The following DMXL1 variants were observed in gnomAD, a reference collection of about 807,000 sequenced individuals.
DMXL1 encodes the protein dmX-like protein 1.
In DMXL1, 99 loss-of-function variants were observed where a neutral mutation model predicts 319.2. The observed-to-expected ratio is 0.31, with a 90% CI of 0.26 to 0.37. The LOEUF (loss-of-function observed/expected upper bound fraction) is 0.37. Ranked by LOEUF, DMXL1 falls within the 10% of genes least tolerant of loss-of-function variation. The pLI, the probability that DMXL1 is intolerant of heterozygous loss-of-function variation, is 1.00. For missense variants in DMXL1, 3,745 were observed against 3,595.6 expected (o/e 1.04, Z -1.06); for synonymous variants, 1,385 against 1,235.2 (o/e 1.12, Z -2.54).
At chr5:119,188,242 A>G (rs1414792044) in intron 28 of DMXL1, among the ~76,000 whole-genome samples, 1 of 152,082 alleles carries the variant, frequency 6.6e-6, no homozygotes, top group Non-Finnish European at 1.5e-5. Context: ...GAGATTGTCT[A>G]TACTTCTTGG....
intron 28 of DMXL1, among the ~76,000 whole-genome samples, chr5:119,189,413 G>A (rs958783173): frequency 2.6e-5 from 4 of 152,152 alleles, no homozygotes; most frequent in Admixed American, 2.0e-4. Flanking sequence ...CGTGTTCCTA[G>A]TTAAATTGTG....
chr5:119,081,645 C>T (rs1243735166), intron 1 of DMXL1: 1 of 985,148 alleles, frequency 1.0e-6, no homozygotes, highest in Non-Finnish European at 1.2e-6. Flanking sequence ...AGATATAGAG[C>T]CGCAGAAACA....
intron 4 of DMXL1, among the ~76,000 whole-genome samples, chr5:119,108,130 A>G (rs1758758516): frequency 6.6e-6 from 1 of 152,170 alleles, no homozygotes; most frequent in African/African-American, 2.4e-5. Context: ...TGGGAGGCTG[A>G]GTTGGGAGGA....
chr5:119,183,360 G>C (rs1423133350), intron 28 of DMXL1, among the ~76,000 whole-genome samples: 1 of 152,142 alleles, frequency 6.6e-6, no homozygotes, highest in African/African-American at 2.4e-5. Flanking sequence ...AAACAAAATA[G>C]GTGATTTAAA....
At chr5:119,227,239 T>C (rs1581436782) in intron 38 of DMXL1, among the ~76,000 whole-genome samples, 1 of 148,546 alleles carries the variant, frequency 6.7e-6, no homozygotes, top group East Asian at 1.9e-4. Flanking sequence ...GTTTAATGTG[T>C]TTTCCCTGTT....
intron 15 of DMXL1, among the ~76,000 whole-genome samples, 184 bp downstream of exon 15, chr5:119,144,822 C>G (rs540730820): frequency 6.6e-6 from 1 of 151,622 alleles, no homozygotes; most frequent in Non-Finnish European, 1.5e-5. Flanking sequence ...TAAATACGAA[C>G]AAAATTAAAG....
At chr5:119,123,385 G>GGGAGAGGAGGGAGAGGGA (rs1383156268) in intron 9 of DMXL1, among the ~76,000 whole-genome samples, 1 of 34,656 alleles carries the variant, frequency 2.9e-5, no homozygotes, top group Admixed American at 3.3e-4. Flanking sequence ...GAGAGGGAGA[G>GGGAGAGGAGGGAGAGGGA]GAGGGAGAGG....
At chr5:119,091,381 T>A (rs1346777781) in intron 1 of DMXL1, among the ~76,000 whole-genome samples, 1 of 152,038 alleles carries the variant, frequency 6.6e-6, no homozygotes, top group Non-Finnish European at 1.5e-5. Context: ...AATGTTTTTA[T>A]TTTTGTTTTT....
In DMXL1 at chr5:119,244,386, C is replaced by T; in HGVS notation, c.8732C>T (p.Thr2911Ile). The T allele has an allele frequency of 6.2e-7, 1 of 1,613,806 alleles. No individual in the cohort carries two copies. The change falls in exon 43 of 44, where the codon ACA (threonine) becomes ATA (isoleucine). Residue 2911 changes from threonine (T) to isoleucine (I), a missense_variant. By Grantham distance (89) the Thr-to-Ile change is moderately conservative. Around this residue, in one of 4 missense-constraint regions of DMXL1, gnomAD observed 262 missense variants for 320.5 expected, o/e 0.82. Coordinates refer to ENST00000539542, the MANE Select transcript of DMXL1 (RefSeq NM_001290321.3). ...TTTACCTGCCATGACAGTGGAGCCACAGTTTTAGCATATGCTCCAAAACAT... is the reference window on the plus strand; with the variant it reads ...TTTACCTGCCATGACAGTGGAGCCATAGTTTTAGCATATGCTCCAAAACAT... ...HAFTCHDSGA[T>I]VLAYAPKHQL... is the part of the protein sequence containing the mutation.
chr5:119,128,098 A>C, intron 9 of DMXL1: 1 of 479,180 alleles, frequency 2.1e-6, no homozygotes, highest in South Asian at 1.6e-5. Flanking sequence ...ACCCATTGCA[A>C]GTCTAAATCA....
chr5:119,200,768 T>G (rs1394988554), intron 32 of DMXL1, among the ~76,000 whole-genome samples: 2 of 152,118 alleles, frequency 1.3e-5, no homozygotes, highest in Admixed American at 1.3e-4. Context: ...TTGTAATTAT[T>G]GTAGAGATCT....
intron 2 of DMXL1, among the ~76,000 whole-genome samples, chr5:119,101,550 G>A (rs568995184): frequency 1.1e-4 from 17 of 152,292 alleles, no homozygotes; most frequent in Non-Finnish European, 2.2e-4. Flanking sequence ...AAAAGTTAAT[G>A]TACACTGACA....
At chr5:119,098,223 G>A (rs1317074450) in intron 2 of DMXL1, 119 bp downstream of exon 2, 1 of 1,220,456 alleles carries the variant, frequency 8.2e-7, no homozygotes, top group South Asian at 1.4e-5. Flanking sequence ...AGATAGTGTA[G>A]CTAGAAGAAT....
chr5:119,091,780 T>A (rs555397245), intron 1 of DMXL1, among the ~76,000 whole-genome samples: 1 of 152,288 alleles, frequency 6.6e-6, no homozygotes, highest in Non-Finnish European at 1.5e-5. Context: ...GTTCATGTGC[T>A]GGAAACCTGT....
intron 37 of DMXL1, among the ~76,000 whole-genome samples, chr5:119,223,614 G>A (rs570310022): frequency 5.9e-5 from 9 of 152,102 alleles, no homozygotes; most frequent in South Asian, 2.1e-4. Flanking sequence ...ATGAGGGTTC[G>A]GATTGCCTCA....
intron 28 of DMXL1, among the ~76,000 whole-genome samples, chr5:119,189,137 AAC>A (rs904728285): frequency 1.8e-4 from 27 of 152,328 alleles, no homozygotes; most frequent in African/African-American, 6.3e-4. Context: ...CACAAAATAA[AAC>A]AACAAAATTG....
At chr5:119,146,489 C>G (rs936916301) in intron 15 of DMXL1, among the ~76,000 whole-genome samples, 2 of 151,890 alleles carry the variant, frequency 1.3e-5, no homozygotes, top group Non-Finnish European at 2.9e-5. Context: ...TTTGGCACCA[C>G]CATTTCATCA....
rs1561663811 is a variant in DMXL1, at chr5:119,129,229, C to G, written c.1121C>G (p.Ser374Cys). 4 of 1,610,076 alleles carry G rather than the reference C, an allele frequency of 2.5e-6. No homozygotes were observed. The highest frequency in any genetic ancestry group is 1.3e-5 in the African/African-American group (1 of 74,808). ...NPATDIPLLPSITSLSLNENE... is the reference protein window; with the variant it reads ...NPATDIPLLPCITSLSLNENE... ...CTTATAGACATTCCACTTCTTCCAT[C>G]TATTACATCTCTGAGTCTAAATGAA... Residue 374 changes from serine (S) to cysteine (C), a missense_variant, in exon 10 of 44, where the codon TCT (serine) becomes TGT (cysteine). By Grantham distance (112) the Ser-to-Cys change is moderately radical. This residue lies in a region of DMXL1 where 2,096 missense variants were observed against 1,985.4 expected (regional missense o/e 1.06). Coordinates refer to ENST00000539542, the MANE Select transcript of DMXL1 (RefSeq NM_001290321.3).
chr5:119,141,883 G>C (rs1335566242), intron 13 of DMXL1, among the ~76,000 whole-genome samples: 1 of 151,976 alleles, frequency 6.6e-6, no homozygotes, highest in Admixed American at 6.6e-5. Context: ...GGATACAGTA[G>C]CCAAAACAGC....
Sources: gnomAD v4.1 joint callset for allele counts (sites outside exome capture counted in the v4.1 genomes callset) on GRCh38, gnomAD v4.1.1 for gene constraint, gnomAD v4.1.1 regional missense constraint, MANE v1.5 for transcripts, NCBI Gene and HGNC (gene_info 2026-07-23, HGNC 2026-07-21) for gene names.